PDE12: variants seen among roughly 807,000 people sequenced by gnomAD.
The protein encoded by PDE12 is 2',5'-phosphodiesterase 12.
In PDE12, 26 loss-of-function variants were observed where a neutral mutation model predicts 45.4. That is an observed-to-expected ratio of 0.57 (90% CI 0.42 to 0.79). PDE12 has a LOEUF of 0.79. Among genes scored for constraint, PDE12 ranks in the 30% least tolerant of loss-of-function variants. The probability of loss-of-function intolerance (pLI) is 0.00; values close to 1 mark genes in which losing one functional copy is unlikely to be tolerated. For missense variants in PDE12, 668 were observed against 790.0 expected, an observed-to-expected ratio of 0.85 and a Z score of 1.85; for synonymous variants, 283 against 323.9, an observed-to-expected ratio of 0.87 and a Z score of 1.36.
In PDE12 at chr3:57,559,957, C is replaced by A; in HGVS notation, c.1783C>A (p.His595Asn). ...CCACCAGGCCTTACCTAGTGTTTCC[C>A]ATCCCTCTGATCACATAGCACTTGT... Reference protein sequence around the residue: ...TTHQALPSVSHPSDHIALVCD... With the variant: ...TTHQALPSVSNPSDHIALVCD... The change falls in exon 3 of 3, where the codon CAT becomes AAT. Residue 595 changes from histidine to asparagine, a missense_variant. His to Asn is a moderately conservative substitution (Grantham distance 68). Transcript: ENST00000311180. The A allele has an allele frequency of 1.2e-6, 2 of 1,612,550 alleles. No individual in the cohort carries two copies. Among genetic ancestry groups the A allele is most frequent in the Non-Finnish European group, 1.7e-6 (2 of 1,179,950 alleles).
chr3:57,559,371 T>C lies in PDE12; in HGVS notation c.1370T>C (p.Leu457Pro). The change falls in exon 2 of 3, where the codon CTT becomes CCT. Residue 457 changes from leucine (L) to proline (P), a missense_variant. By Grantham distance (98) the Leu-to-Pro change is moderately conservative (BLOSUM62 -3). Transcript: ENST00000311180. ...SKRICVANTH[L>P]YWHPKGGYIR... ...AGGATATGTGTTGCTAATACCCATCTTTACTGGCATCCTAAAGGTAGGTTT... is the reference window on the plus strand; with the variant it reads ...AGGATATGTGTTGCTAATACCCATCCTTACTGGCATCCTAAAGGTAGGTTT... 1 of 1,611,348 alleles carries C rather than the reference T, an allele frequency of 6.2e-7. No homozygotes were observed. Among genetic ancestry groups the C allele is most frequent in the Non-Finnish European group, 8.5e-7 (1 of 1,177,438 alleles).
At chr3:57,617,033 C>T in the PDE12 span, among the ~76,000 whole-genome samples, 1 of 147,024 alleles carries the variant, frequency 6.8e-6, no homozygotes, top group Non-Finnish European at 1.5e-5. Flanking sequence ...CAAAACAAAA[C>T]AAAACAAGAA....
At chr3:57,603,724 G>T in the PDE12 span, among the ~76,000 whole-genome samples, 1 of 151,456 alleles carries the variant, frequency 6.6e-6, no homozygotes, top group Non-Finnish European at 1.5e-5. Context: ...CCAGTTTCAA[G>T]TGATTCTCCT....
At chr3:57,634,376 T>G in the PDE12 span, among the ~76,000 whole-genome samples, 14 of 145,698 alleles carry the variant, frequency 9.6e-5, no homozygotes, top group African/African-American at 1.0e-4. Context: ...GAGGTTGCAG[T>G]GAGCTGAGAT....
the PDE12 span, among the ~76,000 whole-genome samples, chr3:57,596,178 T>C: frequency 1.3e-5 from 2 of 152,096 alleles, no homozygotes; most frequent in African/African-American, 2.4e-5. Context: ...CCCTAAAAAG[T>C]AGTTTTTAAA....
chr3:57,619,864 TAAATC>T, the PDE12 span, among the ~76,000 whole-genome samples: 11 of 148,638 alleles, frequency 7.4e-5, no homozygotes, highest in African/African-American at 2.5e-4. Context: ...AATAAATAAA[TAAATC>T]AAATAAAAAA....
the PDE12 span, among the ~76,000 whole-genome samples, chr3:57,644,879 G>A: frequency 7.4e-5 from 11 of 149,354 alleles, no homozygotes; most frequent in Non-Finnish European, 1.2e-4. Context: ...GTGAAACAGT[G>A]AGAAGGGTAT....
At chr3:57,592,971 G>A in the PDE12 span, among the ~76,000 whole-genome samples, 1 of 152,140 alleles carries the variant, frequency 6.6e-6, no homozygotes. Flanking sequence ...TTGGGAGGTC[G>A]AGGCAGGAGG....
At chr3:57,568,448 C>G (rs1046381418), downstream of PDE12, among the ~76,000 whole-genome samples, 8 of 151,794 alleles carry the variant, frequency 5.3e-5, no homozygotes, top group African/African-American at 1.7e-4. Context: ...GAGCGAGACC[C>G]TGTCTCAAAA....
rs956206199 is a variant in PDE12 at position 57,563,891 on chromosome 3, A to C, written c.*3887A>C. On this transcript the variant is annotated 3_prime_UTR_variant, in exon 3 of 3. Transcript: ENST00000311180. ...ATAGAGCAAGACCCTGTCTTCAAAAAACCACTCTAGATTTCATGTTGTAGG... is the reference window on the plus strand; with the variant it reads ...ATAGAGCAAGACCCTGTCTTCAAAACACCACTCTAGATTTCATGTTGTAGG... 1 of 152,104 alleles carries C rather than the reference A, an allele frequency of 6.6e-6. No homozygotes were observed. Among genetic ancestry groups the C allele is most frequent in the African/African-American group, 2.4e-5 (1 of 41,398 alleles). 9.4% of individuals were successfully genotyped at this position (152,104 alleles called of 1,614,324 possible).
the PDE12 span, among the ~76,000 whole-genome samples, chr3:57,618,434 G>T: frequency 2.0e-5 from 3 of 150,600 alleles, no homozygotes; most frequent in Non-Finnish European, 4.5e-5. Context: ...TTGTTTGTTT[G>T]TTTTTTGAGA....
In PDE12 at chr3:57,563,475, A is replaced by G. The variant is rs1368974203; in HGVS notation, c.*3471A>G. The G allele has an allele frequency of 6.6e-6, 1 of 152,120 alleles. No individual in the cohort carries two copies. Among genetic ancestry groups the G allele is most frequent in the African/African-American group, 2.4e-5 (1 of 41,410 alleles). 9.4% of individuals were successfully genotyped at this position (152,120 alleles called of 1,614,324 possible). A position where few individuals can be genotyped will look rare whatever the true frequency, so the allele number is the denominator to read the frequency against. On this transcript the variant is annotated 3_prime_UTR_variant, in exon 3 of 3. Coordinates refer to ENST00000311180, the MANE Select transcript of PDE12 (RefSeq NM_177966.7). ...CGTTAACTCGTCATTTACATTAGGT[A>G]TTTCTCCTAATGCTATCCCTCCCCC...
At chr3:57,654,536 C>A in the PDE12 span, 76 of 762,466 alleles carry the variant, frequency 1.0e-4, no homozygotes, top group African/African-American at 1.4e-3. Flanking sequence ...ACTGATGTGT[C>A]TCTCATTGTA....
At chr3:57,639,551 T>C in the PDE12 span, among the ~76,000 whole-genome samples, 1 of 152,162 alleles carries the variant, frequency 6.6e-6, no homozygotes, top group African/African-American at 2.4e-5. Flanking sequence ...TTAAAAAAAT[T>C]TATCATATCA....
At chr3:57,603,204 T>C in the PDE12 span, among the ~76,000 whole-genome samples, 6 of 152,034 alleles carry the variant, frequency 3.9e-5, no homozygotes, top group African/African-American at 1.4e-4. Context: ...AGAAATTAGG[T>C]AGCTTAAAGC....
chr3:57,563,563 T>C lies in PDE12; in HGVS notation c.*3559T>C, dbSNP rs2069750064. 1 of 152,150 alleles carries C rather than the reference T, an allele frequency of 6.6e-6. No individual in the cohort carries two copies. Among genetic ancestry groups the C allele is most frequent in the South Asian group, 2.1e-4 (1 of 4,834 alleles). The allele number at this position is 152,150 out of a possible 1,614,324, so 9.4% of individuals were successfully genotyped here. ...TATTTCAGTGTTTTGAGAATTTTAA[T>C]AATTTGCTTAATATAGTACAGGAAG... On this transcript the variant is annotated 3_prime_UTR_variant, in exon 3 of 3. Transcript: ENST00000311180.
the PDE12 span, among the ~76,000 whole-genome samples, chr3:57,633,066 G>A: frequency 4.1e-3 from 631 of 152,270 alleles, 6 homozygotes; most frequent in African/African-American, 0.015. Flanking sequence ...GTCAGAGAGA[G>A]GGAGTGACTT....
At chr3:57,622,370 T>A in the PDE12 span, among the ~76,000 whole-genome samples, 1 of 152,152 alleles carries the variant, frequency 6.6e-6, no homozygotes, top group East Asian at 1.9e-4. Flanking sequence ...AAAATCTCAA[T>A]AAAGTACCAA....
chr3:57,610,000 A>G, the PDE12 span, among the ~76,000 whole-genome samples: 1 of 152,174 alleles, frequency 6.6e-6, no homozygotes, highest in South Asian at 2.1e-4. Flanking sequence ...ATACTGGCAA[A>G]CCAAATCCAG....
Sources: gnomAD v4.1 joint callset for allele counts (sites outside exome capture counted in the v4.1 genomes callset) on GRCh38, gnomAD v4.1.1 for gene constraint, MANE v1.5 for transcripts, NCBI Gene and HGNC (gene_info 2026-07-23, HGNC 2026-07-21) for gene names.